Variants in ERMP1 observed in about 807,000 individuals in gnomAD.
ERMP1 encodes the protein Felix-ina.
A neutral mutation model predicts 92.0 loss-of-function variants in ERMP1; 86 were observed. The ratio of observed to expected loss-of-function variants is 0.93; its 90% CI spans 0.79 to 1.12. ERMP1 has a LOEUF of 1.12. Ranked by LOEUF, ERMP1 falls within the 50% of genes most tolerant of loss-of-function variation. The pLI is 0.00. For synonymous variants in ERMP1, 530 were observed against 412.8 expected (o/e 1.28, Z -3.44); for missense variants, 1,342 against 1,116.3 (o/e 1.20, Z -2.88).
At chr9:5,821,810 CAG>C (rs1291083516) in intron 4 of ERMP1, among the ~76,000 whole-genome samples, 2 of 152,218 alleles carry the variant, frequency 1.3e-5, no homozygotes, top group African/African-American at 4.8e-5. Flanking sequence ...GGAAAATACA[CAG>C]ACACACTCCT....
At position 5,810,069 on chromosome 9, in the gene ERMP1, G is replaced by T; in HGVS notation, c.1490C>A (p.Thr497Asn). The T allele has an allele frequency of 6.2e-7, 1 of 1,613,886 alleles. No homozygotes were observed. Among genetic ancestry groups the T allele is most frequent in the Non-Finnish European group, 8.5e-7 (1 of 1,179,818 alleles). ...AAGTATTATTTTGGCTACAGTTGCAGTTCCATACAGACAAACGGAGACATA... is the reference window on the plus strand; with the variant it reads ...AAGTATTATTTTGGCTACAGTTGCATTTCCATACAGACAAACGGAGACATA... ...HFYVSVCLYG[T>N]ATVAKIILIH... is the part of the protein sequence containing the mutation. Residue 497 changes from threonine to asparagine, a missense_variant, in exon 8 of 15, where the codon ACT (threonine) becomes AAT (asparagine). Physicochemically the swap from Thr to Asn is moderately conservative, Grantham distance 65 (BLOSUM62 0). Coordinates refer to ENST00000339450, the MANE Select transcript of ERMP1 (RefSeq NM_024896.3).
chr9:5,797,949 C>G lies in ERMP1; in HGVS notation c.2271-17G>C. 1 of 1,532,614 alleles carries G rather than the reference C, an allele frequency of 6.5e-7. No homozygotes were observed. The highest frequency in any genetic ancestry group is 1.4e-5 in the African/African-American group (1 of 73,174). 94.9% of individuals were successfully genotyped at this position (1,532,614 alleles called of 1,614,324 possible). A position where few individuals can be genotyped will look rare whatever the true frequency, so the allele number is the denominator to read the frequency against. The stretch of plus-strand genomic sequence containing the variant: ...CAGTTTTTCCTATTTAGAAAGGAAG[C>G]TTCAGTTTTAGGGTGCTTTATTATT... On this transcript the variant is annotated splice_polypyrimidine_tract_variant and intron_variant, in intron 12 of 14. Coordinates refer to ENST00000339450, the MANE Select transcript of ERMP1 (RefSeq NM_024896.3).
At chr9:5,829,297 C>A (rs1030273096) in intron 2 of ERMP1, among the ~76,000 whole-genome samples, 1 of 150,758 alleles carries the variant, frequency 6.6e-6, no homozygotes, top group African/African-American at 2.4e-5. Flanking sequence ...ATTTAACAAA[C>A]GTGTGTATAC....
intron 8 of ERMP1, among the ~76,000 whole-genome samples, chr9:5,809,065 C>A (rs947411412): frequency 8.6e-5 from 13 of 151,542 alleles, no homozygotes; most frequent in Non-Finnish European, 5.9e-5. Flanking sequence ...GCTGTCGCCC[C>A]AGCTGGAGTG....
At chr9:5,815,707 T>G (rs1829277962) in intron 4 of ERMP1, among the ~76,000 whole-genome samples, 1 of 152,024 alleles carries the variant, frequency 6.6e-6, no homozygotes, top group African/African-American at 2.4e-5. Context: ...TATCTATCAC[T>G]AAGGGGAAAT....
upstream of ERMP1, among the ~76,000 whole-genome samples, chr9:5,836,021 A>G (rs1475275553): frequency 6.6e-6 from 1 of 152,208 alleles, no homozygotes; most frequent in East Asian, 1.9e-4. Flanking sequence ...CATGGGGTTG[A>G]GTCAACTCAT....
upstream of ERMP1, among the ~76,000 whole-genome samples, chr9:5,836,426 G>A (rs891591734): frequency 2.0e-5 from 3 of 152,174 alleles, no homozygotes; most frequent in African/African-American, 7.2e-5. Flanking sequence ...GCCCAAACCA[G>A]TTGCAGAAAA....
At chr9:5,787,737 T>A (rs905275603) in intron 13 of ERMP1, 144 bp from the exon 14 acceptor site, 27 of 738,364 alleles carry the variant, frequency 3.7e-5, no homozygotes, top group Non-Finnish European at 4.9e-5. Context: ...GTTTACCAGT[T>A]TGGACACTTA....
chr9:5,850,109 G>C (rs960060570), intron 6 of ERMP1, among the ~76,000 whole-genome samples: 23 of 152,192 alleles, frequency 1.5e-4, no homozygotes, highest in African/African-American at 3.9e-4. Context: ...CAGGGCCCAG[G>C]TCTCCCCCCC....
At chr9:5,823,487 T>A (rs887088713) in intron 4 of ERMP1, among the ~76,000 whole-genome samples, 1 of 152,116 alleles carries the variant, frequency 6.6e-6, no homozygotes, top group African/African-American at 2.4e-5. Flanking sequence ...AACAATCCAA[T>A]TAGAGGTTAA....
At chr9:5,787,782 G>A (rs1828005762) in intron 13 of ERMP1, among the ~76,000 whole-genome samples, 189 bp from the exon 14 acceptor site, 1 of 152,208 alleles carries the variant, frequency 6.6e-6, no homozygotes, top group African/African-American at 2.4e-5. Context: ...TGAGGTACAG[G>A]AGAAAAGGCA....
At chr9:5,798,651 TAAAA>T (rs57347922) in intron 12 of ERMP1, among the ~76,000 whole-genome samples, 151 bp downstream of exon 12, 1 of 119,276 alleles carries the variant, frequency 8.4e-6, no homozygotes, top group African/African-American at 3.1e-5. Context: ...TTTATTCCAC[TAAAA>T]AAAAAAAAAA....
At chr9:5,791,250 G>T (rs1828185475) in intron 13 of ERMP1, 1 of 456,722 alleles carries the variant, frequency 2.2e-6, no homozygotes, top group South Asian at 1.5e-5. Context: ...GTTGAGGCTG[G>T]CAAGTCCAAA....
chr9:5,840,041 T>A (rs142131842), intron 6 of ERMP1, among the ~76,000 whole-genome samples: 1 of 152,088 alleles, frequency 6.6e-6, no homozygotes, highest in Non-Finnish European at 1.5e-5. Context: ...CAGGAGTTTG[T>A]GACCAACCTG....
intron 11 of ERMP1, among the ~76,000 whole-genome samples, chr9:5,800,095 C>G (rs1828610726): frequency 6.6e-6 from 1 of 152,138 alleles, no homozygotes; most frequent in African/African-American, 2.4e-5. Context: ...AGATGTGACT[C>G]TTGCCCTTAA....
rs1827862288 is a variant in ERMP1, at chr9:5,784,654, C to CA, written c.*2489dup. 6.6e-6 allele frequency: 1 copy of CA among 152,646 alleles called. No individual in the cohort carries two copies. The highest frequency in any genetic ancestry group is 2.4e-5 in the African/African-American group (1 of 41,452). 9.5% of individuals were successfully genotyped at this position (152,646 alleles called of 1,614,324 possible). A position where few individuals can be genotyped will look rare whatever the true frequency, so the allele number is the denominator to read the frequency against. On this transcript the variant is annotated 3_prime_UTR_variant, in exon 15 of 15. Coordinates refer to ENST00000339450, the MANE Select transcript of ERMP1 (RefSeq NM_024896.3). ...CAGCAAACCAGTGACAAGAAATTGA[C>CA]AAACACTCCTTCTACAGCTTCCTGA...
chr9:5,821,545 G>C (rs1829535786), intron 4 of ERMP1, among the ~76,000 whole-genome samples: 1 of 152,182 alleles, frequency 6.6e-6, no homozygotes, highest in Admixed American at 6.5e-5. Flanking sequence ...AGTAATGTTA[G>C]TCAGTCTGGA....
At chr9:5,858,828 T>C (rs1160265876) in intron 6 of ERMP1, among the ~76,000 whole-genome samples, 1 of 152,164 alleles carries the variant, frequency 6.6e-6, no homozygotes, top group Non-Finnish European at 1.5e-5. Flanking sequence ...GAAGGATGGA[T>C]GGATGATGGA....
intron 13 of ERMP1, among the ~76,000 whole-genome samples, chr9:5,787,795 G>A (rs972115187): frequency 1.3e-5 from 2 of 152,208 alleles, no homozygotes; most frequent in African/African-American, 4.8e-5. Flanking sequence ...AAAAGGCACA[G>A]ACTGTAAATG....
Sources: gnomAD v4.1 joint callset for allele counts (sites outside exome capture counted in the v4.1 genomes callset) on GRCh38, gnomAD v4.1.1 for gene constraint, MANE v1.5 for transcripts, NCBI Gene and HGNC (gene_info 2026-07-23, HGNC 2026-07-21) for gene names.